Variants in NYAP2 observed in about 807,000 individuals in gnomAD.
NYAP2 encodes the protein neuronal tyrosine-phosphorylated phosphoinositide-3-kinase adaptor 2.
Under a neutral mutation model 50.4 loss-of-function variants are expected in NYAP2, and 23 were observed. The ratio of observed to expected loss-of-function variants is 0.46; its 90% CI spans 0.33 to 0.65. NYAP2 has a LOEUF of 0.65. NYAP2 is among the 30% of genes least tolerant of loss of function. The pLI is 0.02. For missense variants in NYAP2, 885 were observed against 861.0 expected, an observed-to-expected ratio of 1.03 and a Z score of -0.35; for synonymous variants, 394 against 365.2, an observed-to-expected ratio of 1.08 and a Z score of -0.90.
At chr2:225,509,907 T>G (rs1278514275) in intron 3 of NYAP2, among the ~76,000 whole-genome samples, 2 of 152,140 alleles carry the variant, frequency 1.3e-5, no homozygotes, top group Admixed American at 1.3e-4. Context: ...TGACTTGCAG[T>G]ATTTATTGGA....
intron 3 of NYAP2, among the ~76,000 whole-genome samples, chr2:225,472,114 G>A (rs1465821361): frequency 1.3e-5 from 2 of 152,140 alleles, no homozygotes; most frequent in African/African-American, 2.4e-5. Flanking sequence ...AAAGCCATAT[G>A]TCTAGCAAGA....
exon 7 of NYAP2, chr2:225,651,677 G>A: frequency 1.8e-6 from 2 of 1,103,680 alleles, no homozygotes; most frequent in African/African-American, 1.6e-5. Flanking sequence ...AGGGGATGCG[G>A]GGGATGAGTT....
intron 4 of NYAP2, among the ~76,000 whole-genome samples, chr2:225,513,984 C>CA (rs1462234498): frequency 6.6e-6 from 1 of 152,094 alleles, no homozygotes; most frequent in African/African-American, 2.4e-5. Flanking sequence ...ACTATTTATA[C>CA]AATTAAAGGT....
chr2:225,674,394 A>G, the NYAP2 span, among the ~76,000 whole-genome samples: 2 of 152,122 alleles, frequency 1.3e-5, no homozygotes, highest in Admixed American at 1.3e-4. Context: ...ACATCCCTTT[A>G]TCTAGAAGCT....
chr2:225,434,534 C>T (rs1311225834), intron 3 of NYAP2, among the ~76,000 whole-genome samples: 1 of 152,106 alleles, frequency 6.6e-6, no homozygotes, highest in Non-Finnish European at 1.5e-5. Context: ...TGATACTGAT[C>T]GATTGATTGT....
chr2:225,616,625 G>A (rs895536872), intron 5 of NYAP2, among the ~76,000 whole-genome samples: 18 of 152,202 alleles, frequency 1.2e-4, no homozygotes, highest in Admixed American at 1.3e-4. Context: ...GAAAGTCAAC[G>A]TGAGCTCTGT....
intron 3 of NYAP2, among the ~76,000 whole-genome samples, chr2:225,430,864 G>A (rs1695356635): frequency 6.6e-6 from 1 of 152,114 alleles, no homozygotes; most frequent in South Asian, 2.1e-4. Flanking sequence ...ATTCCACAGT[G>A]TATATAGACT....
At chr2:225,460,119 CAATT>C (rs1689803602) in intron 3 of NYAP2, among the ~76,000 whole-genome samples, 1 of 152,110 alleles carries the variant, frequency 6.6e-6, no homozygotes, top group Non-Finnish European at 1.5e-5. Flanking sequence ...TCTAATCAAT[CAATT>C]AGTTAACCAA....
intron 3 of NYAP2, among the ~76,000 whole-genome samples, chr2:225,508,697 C>T (rs1690755200): frequency 6.6e-6 from 1 of 152,170 alleles, no homozygotes; most frequent in East Asian, 1.9e-4. Context: ...ACCAGTGCAA[C>T]AGGGAAAGCC....
At chr2:225,521,912 T>C (rs1168434229) in intron 4 of NYAP2, among the ~76,000 whole-genome samples, 6 of 152,110 alleles carry the variant, frequency 3.9e-5, no homozygotes, top group African/African-American at 1.4e-4. Context: ...CCTGGACTCT[T>C]TTTTGTTGGT....
chr2:225,670,373 C>T, the NYAP2 span, among the ~76,000 whole-genome samples: 1 of 151,942 alleles, frequency 6.6e-6, no homozygotes, highest in African/African-American at 2.4e-5. Flanking sequence ...CCTTTAAAAC[C>T]ACAGTAAATT....
chr2:225,590,864 G>T (rs565082278), intron 5 of NYAP2, among the ~76,000 whole-genome samples: 4 of 152,330 alleles, frequency 2.6e-5, no homozygotes, highest in Non-Finnish European at 4.4e-5. Flanking sequence ...CATGGTGGGC[G>T]ATCTGTGAAT....
chr2:225,528,944 C>G (rs368254984), intron 4 of NYAP2, among the ~76,000 whole-genome samples: 1 of 152,204 alleles, frequency 6.6e-6, no homozygotes. Context: ...TGTCTGCAGA[C>G]GAAGTGGAGA....
At chr2:225,551,187 AC>A (rs1188148889) in intron 4 of NYAP2, among the ~76,000 whole-genome samples, 4 of 152,180 alleles carry the variant, frequency 2.6e-5, no homozygotes, top group African/African-American at 9.7e-5. Flanking sequence ...AGTGAATTTC[AC>A]CTTCTGGTAT....
At chr2:225,678,037 C>T in the NYAP2 span, among the ~76,000 whole-genome samples, 6 of 152,084 alleles carry the variant, frequency 3.9e-5, no homozygotes, top group Non-Finnish European at 7.4e-5. Flanking sequence ...ATGAGTCCAT[C>T]TGGTCCAGGT....
At chr2:225,608,015 C>T (rs77907211) in intron 5 of NYAP2, among the ~76,000 whole-genome samples, 340 of 152,188 alleles carry the variant, frequency 2.2e-3, no homozygotes, top group African/African-American at 6.6e-3. Flanking sequence ...TGGTATTTCT[C>T]TCACTAAATC....
At chr2:225,578,427 C>T (rs1348141239) in intron 4 of NYAP2, among the ~76,000 whole-genome samples, 1 of 152,130 alleles carries the variant, frequency 6.6e-6, no homozygotes, top group African/African-American at 2.4e-5. Flanking sequence ...GTGGGCTGAA[C>T]AAGCAGAGCA....
intron 5 of NYAP2, among the ~76,000 whole-genome samples, chr2:225,589,405 C>T (rs766712628): frequency 2.7e-5 from 4 of 150,334 alleles, no homozygotes; most frequent in Non-Finnish European, 5.9e-5. Flanking sequence ...TGTGGTGGCT[C>T]ACTCCTGTAA....
At chr2:225,434,819 CAT>C (rs1163995256) in intron 3 of NYAP2, among the ~76,000 whole-genome samples, 9 of 152,066 alleles carry the variant, frequency 5.9e-5, no homozygotes, top group Non-Finnish European at 2.9e-5. Flanking sequence ...TGTGTACACA[CAT>C]GTGTAAAACT....
Sources: gnomAD v4.1 joint callset for allele counts (sites outside exome capture counted in the v4.1 genomes callset) on GRCh38, gnomAD v4.1.1 for gene constraint, MANE v1.5 for transcripts, NCBI Gene and HGNC (gene_info 2026-07-23, HGNC 2026-07-21) for gene names.